The following TMEM164 variants were observed in gnomAD, a reference collection of about 807,000 sequenced individuals.
The protein encoded by TMEM164 is RP13-360B22.2.
In TMEM164, 4 loss-of-function variants were observed where a neutral mutation model predicts 18.8. The ratio of observed to expected loss-of-function variants is 0.21; its 90% CI spans 0.10 to 0.49. TMEM164 has a LOEUF of 0.49. TMEM164 is among the 20% of genes least tolerant of loss of function. TMEM164 has a pLI of 0.98. For missense variants in TMEM164, 108 were observed against 239.9 expected, an observed-to-expected ratio of 0.45 and a Z score of 3.63; for synonymous variants, 86 against 101.7, an observed-to-expected ratio of 0.85 and a Z score of 0.93.
chrX:110,005,637 T>G (rs1054030511), intron 2 of TMEM164, among the ~76,000 whole-genome samples: 7 of 112,535 alleles, frequency 6.2e-5, no homozygotes, highest in Non-Finnish European at 1.9e-5. Flanking sequence ...GCAGCATTTT[T>G]TAAGAGAGGG....
intron 2 of TMEM164, among the ~76,000 whole-genome samples, chrX:110,026,979 A>G (rs1934224135): frequency 9.0e-6 from 1 of 111,722 alleles, no homozygotes; most frequent in Non-Finnish European, 1.9e-5. Flanking sequence ...ATAATCTGCA[A>G]ATAATGAGAA....
At chrX:110,063,644 G>A (rs771849713) in intron 2 of TMEM164, among the ~76,000 whole-genome samples, 1 of 111,604 alleles carries the variant, frequency 9.0e-6, no homozygotes, top group Non-Finnish European at 1.9e-5. Context: ...GAATGGAACC[G>A]TGGATTTTTT....
chrX:110,068,782 C>CAAA (rs1310161305), intron 3 of TMEM164, among the ~76,000 whole-genome samples: 2 of 110,789 alleles, frequency 1.8e-5, no homozygotes, highest in African/African-American at 3.3e-5. Flanking sequence ...TTTGTATTAC[C>CAAA]AAAACAGTAT....
At chrX:110,102,898 T>C (rs760790700) in intron 3 of TMEM164, among the ~76,000 whole-genome samples, 1 of 112,428 alleles carries the variant, frequency 8.9e-6, no homozygotes, top group East Asian at 2.8e-4. Context: ...TGTTAGCTTT[T>C]TGAGGGCAGA....
At chrX:110,095,975 A>G (rs1459657936) in intron 3 of TMEM164, among the ~76,000 whole-genome samples, 1 of 112,426 alleles carries the variant, frequency 8.9e-6, no homozygotes, top group South Asian at 3.7e-4. Context: ...TTGCCTGGGT[A>G]TCACCAGCGG....
intron 3 of TMEM164, among the ~76,000 whole-genome samples, chrX:110,092,392 T>A (rs924609846): frequency 4.5e-5 from 5 of 111,901 alleles, no homozygotes; most frequent in African/African-American, 1.6e-4. Flanking sequence ...CATTGAGCAG[T>A]GGTTTGTAGT....
intron 2 of TMEM164, among the ~76,000 whole-genome samples, chrX:110,004,722 C>G (rs763105743): frequency 2.6e-4 from 29 of 112,427 alleles, no homozygotes; most frequent in African/African-American, 8.4e-4. Flanking sequence ...GGCATTGGAG[C>G]AGCACCAAGC....
At chrX:110,038,220 T>C (rs965330418) in intron 2 of TMEM164, among the ~76,000 whole-genome samples, 3 of 110,838 alleles carry the variant, frequency 2.7e-5, no homozygotes, top group Non-Finnish European at 5.7e-5. Flanking sequence ...CTCGATCTCC[T>C]GACCTCGTGA....
chrX:110,009,957 C>T (rs1299229679), intron 2 of TMEM164, among the ~76,000 whole-genome samples: 2 of 108,395 alleles, frequency 1.8e-5, no homozygotes, highest in Non-Finnish European at 3.8e-5. Context: ...CCCGCCACTG[C>T]ACTCCAGCCT....
chrX:110,015,661 G>A (rs187821634), intron 2 of TMEM164, among the ~76,000 whole-genome samples: 21 of 110,635 alleles, frequency 1.9e-4, no homozygotes, highest in Admixed American at 4.8e-4. Context: ...TATCAGCAGC[G>A]CTTTCACACT....
intron 3 of TMEM164, among the ~76,000 whole-genome samples, chrX:110,102,057 G>A (rs1345807118): frequency 1.9e-5 from 2 of 107,525 alleles, no homozygotes; most frequent in Non-Finnish European, 3.8e-5. Flanking sequence ...TGGGTGCAGT[G>A]GCTCATGCCT....
intron 4 of TMEM164, among the ~76,000 whole-genome samples, chrX:110,112,194 G>A (rs1397020675): frequency 2.7e-5 from 3 of 111,459 alleles, no homozygotes; most frequent in Admixed American, 1.9e-4. Context: ...TTAGCTGGGC[G>A]TGGTGGCATA....
At chrX:110,022,557 T>C (rs1400441127) in intron 2 of TMEM164, among the ~76,000 whole-genome samples, 1 of 111,507 alleles carries the variant, frequency 9.0e-6, no homozygotes, top group Admixed American at 9.5e-5. Flanking sequence ...TGCTTCTTTT[T>C]ATTAAAAAAC....
chrX:110,127,248 C>T (rs188035788), intron 4 of TMEM164, among the ~76,000 whole-genome samples: 10 of 111,589 alleles, frequency 9.0e-5, no homozygotes, highest in Admixed American at 1.9e-4. Flanking sequence ...TGTGGTGGCT[C>T]ATGCCTGTAA....
chrX:110,156,048 G>T (rs1322452100), intron 5 of TMEM164, among the ~76,000 whole-genome samples: 1 of 111,937 alleles, frequency 8.9e-6, no homozygotes, highest in Non-Finnish European at 1.9e-5. Flanking sequence ...GAGACTGCAG[G>T]TACATACCAC....
intron 2 of TMEM164, among the ~76,000 whole-genome samples, chrX:110,012,557 T>TTCTC (rs1292442569): frequency 8.9e-6 from 1 of 112,186 alleles, no homozygotes; most frequent in African/African-American, 3.2e-5. Context: ...TTTTGGCCTC[T>TTCTC]TCTCTCCCGC....
At chrX:110,161,055 A>G (rs1017437891) in intron 5 of TMEM164, among the ~76,000 whole-genome samples, 3 of 112,286 alleles carry the variant, frequency 2.7e-5, no homozygotes, top group Admixed American at 9.4e-5. Flanking sequence ...TTTGGAGGAC[A>G]TTTCAAGAAA....
chrX:110,046,884 C>A (rs915297573), intron 2 of TMEM164, among the ~76,000 whole-genome samples: 14 of 112,036 alleles, frequency 1.2e-4, no homozygotes, highest in Admixed American at 2.8e-4. Context: ...ATCAGAGTCA[C>A]CATGTGTGCT....
chrX:110,106,249 G>A (rs964297330), intron 3 of TMEM164, among the ~76,000 whole-genome samples: 1 of 111,233 alleles, frequency 9.0e-6, no homozygotes, highest in Non-Finnish European at 1.9e-5. Context: ...TTGGCCGTCC[G>A]TAGGTCCTGA....
Sources: allele counts gnomAD v4.1 joint callset (sites outside exome capture counted in the v4.1 genomes callset), GRCh38; gene constraint gnomAD v4.1.1; transcripts MANE v1.5; gene names NCBI Gene and HGNC (gene_info 2026-07-23, HGNC 2026-07-21).